The following SNAPC3 variants were observed in gnomAD, a reference collection of about 807,000 sequenced individuals.
SNAPC3 encodes snRNA-activating protein complex subunit 3.
SNAPC3 carries 56 observed loss-of-function variants against 47.7 expected under a neutral mutation model. That is an observed-to-expected ratio of 1.18 (90% CI 0.95 to 1.47). The LOEUF (loss-of-function observed/expected upper bound fraction) is 1.47, where lower values mean the gene tolerates loss of function less well. SNAPC3 is among the 40% of genes most tolerant of loss of function. The pLI, the probability that SNAPC3 is intolerant of heterozygous loss-of-function variation, is 0.00. For synonymous variants in SNAPC3, 235 were observed against 189.9 expected, an observed-to-expected ratio of 1.24 and a Z score of -1.95; for missense variants, 665 against 511.3, an observed-to-expected ratio of 1.30 and a Z score of -2.90.
At chr9:15,433,463 T>TA (rs2032417842) in intron 2 of SNAPC3, 89 bp from the exon 3 acceptor site, 2 of 841,514 alleles carry the variant, frequency 2.4e-6, no homozygotes, top group Middle Eastern at 3.3e-4. Flanking sequence ...TAGTTCAAAA[T>TA]AAAAAAACTT....
intron 7 of SNAPC3, among the ~76,000 whole-genome samples, chr9:15,457,708 C>CATT (rs1186096380): frequency 6.6e-6 from 1 of 152,132 alleles, no homozygotes; most frequent in Non-Finnish European, 1.5e-5. Flanking sequence ...TCACAGTGTA[C>CATT]ATTACCATAA....
chr9:15,457,895 A>C (rs57846241), intron 7 of SNAPC3, 65 bp from the exon 8 acceptor site: 9 of 871,344 alleles, frequency 1.0e-5, no homozygotes, highest in Non-Finnish European at 1.6e-5. Flanking sequence ...TATATTTAAT[A>C]GCTCATAAAA....
At chr9:15,435,590 G>A (rs530567533) in intron 3 of SNAPC3, among the ~76,000 whole-genome samples, 1 of 151,890 alleles carries the variant, frequency 6.6e-6, no homozygotes, top group South Asian at 2.1e-4. Context: ...AATTAGCCGG[G>A]CGTGGTGGCA....
downstream of SNAPC3, chr9:15,465,382 A>G: frequency 2.8e-6 from 2 of 712,536 alleles, no homozygotes; most frequent in South Asian, 3.7e-5. Context: ...TTACTTTAAA[A>G]CAAAGGGATT....
downstream of SNAPC3, chr9:15,461,977 G>A (rs1170761973): frequency 6.6e-6 from 1 of 152,116 alleles, no homozygotes; most frequent in Non-Finnish European, 1.5e-5. Flanking sequence ...ATAAATGAAT[G>A]ATTTACCCAA....
rs767747411 is a variant in SNAPC3 at position 15,451,328 on chromosome 9, C to T, written c.741C>T (p.Tyr247=). The T allele has an allele frequency of 3.5e-6, 5 of 1,438,238 alleles. No homozygotes were observed. In the South Asian group the frequency reaches 6.4e-5, roughly 18 times the overall value. 89.1% of individuals were successfully genotyped at this position (1,438,238 alleles called of 1,614,324 possible). A position where few individuals can be genotyped will look rare whatever the true frequency, so the allele number is the denominator to read the frequency against. The change falls in exon 6 of 9, where the codon TAC becomes TAT. Residue 247 remains tyrosine, a synonymous_variant. Coordinates refer to ENST00000380821, the MANE Select transcript of SNAPC3 (RefSeq NM_001039697.2). ...AATCTGTTTTCTTGTAGGACCTATA[C>T]AAATCAGCCTTCTTTTATTTTGAAG... The part of the protein sequence containing the change: ...QAPEHISKDL[Y]KSAFFYFEGT...
intron 2 of SNAPC3, among the ~76,000 whole-genome samples, chr9:15,426,630 A>G (rs2031436410): frequency 6.6e-6 from 1 of 152,216 alleles, no homozygotes; most frequent in Non-Finnish European, 1.5e-5. Flanking sequence ...ATATTAAAGC[A>G]GACTCTTTTT....
At chr9:15,446,128 G>A (rs2033911228) in intron 4 of SNAPC3, among the ~76,000 whole-genome samples, 1 of 152,208 alleles carries the variant, frequency 6.6e-6, no homozygotes, top group South Asian at 2.1e-4. Flanking sequence ...TAATGCTCAT[G>A]TCAGTTTGGT....
downstream of SNAPC3, chr9:15,466,695 TA>T (rs563230930): frequency 0.019 from 27,024 of 1,420,792 alleles, 317 homozygotes; most frequent in Non-Finnish European, 0.022. Context: ...GAACTGTGAT[TA>T]AAAACCTGAA....
chr9:15,425,850 C>T (rs1225742506), intron 2 of SNAPC3, among the ~76,000 whole-genome samples: 23 of 152,084 alleles, frequency 1.5e-4, no homozygotes, highest in Admixed American at 1.5e-3. Context: ...AAGGAGTGGA[C>T]CTTGCTGTTT....
Position 15,459,941 on chromosome 9 carries a change from C to T in SNAPC3, c.*75C>T, listed in dbSNP as rs1280377785. ...GGATGGTTACCTTATTTCTAAGAAA[C>T]GCCACTGAGGAACAGGATCCACTTT... is the stretch of plus-strand genomic sequence containing the variant. On this transcript the variant is annotated 3_prime_UTR_variant, in exon 9 of 9. Transcript: ENST00000380821. 1.1e-5 allele frequency: 15 copies of T among 1,359,036 alleles called. No homozygotes were observed. The highest frequency in any genetic ancestry group is 1.9e-4 in the Middle Eastern group (1 of 5,346). The allele number at this position is 1,359,036 out of a possible 1,614,324, so 84.2% of individuals were successfully genotyped here.
chr9:15,432,159 T>C (rs533241840), intron 2 of SNAPC3, among the ~76,000 whole-genome samples: 39 of 152,314 alleles, frequency 2.6e-4, no homozygotes, highest in Admixed American at 7.2e-4. Flanking sequence ...TTCTCACTTG[T>C]GGAGAAAGAC....
chr9:15,463,964 A>C (rs1050199151), downstream of SNAPC3: 13 of 165,236 alleles, frequency 7.9e-5, no homozygotes, highest in Non-Finnish European at 4.0e-5. Context: ...AAAACAGCAC[A>C]ACCTCTGTGA....
chr9:15,430,541 G>A (rs988471716), intron 2 of SNAPC3, among the ~76,000 whole-genome samples: 66 of 152,132 alleles, frequency 4.3e-4, no homozygotes, highest in African/African-American at 1.5e-3. Context: ...AAATTAATGA[G>A]GAAAATAATA....
rs925625755 is a variant in SNAPC3 at position 15,459,916 on chromosome 9, G to T, written c.*50G>T. On this transcript the variant is annotated 3_prime_UTR_variant, in exon 9 of 9. Transcript: ENST00000380821. ...CCCCTCATGAAATAACTGTTCTCTTGGATGGTTACCTTATTTCTAAGAAAC... is the reference window on the plus strand; with the variant it reads ...CCCCTCATGAAATAACTGTTCTCTTTGATGGTTACCTTATTTCTAAGAAAC... The T allele has an allele frequency of 1.3e-6, 2 of 1,528,706 alleles. No homozygotes were observed. Among genetic ancestry groups the T allele is most frequent in the African/African-American group, 2.8e-5 (2 of 72,642 alleles). 94.7% of individuals were successfully genotyped at this position (1,528,706 alleles called of 1,614,324 possible). A position where few individuals can be genotyped will look rare whatever the true frequency, so the allele number is the denominator to read the frequency against.
chr9:15,465,108 G>T (rs577289243), downstream of SNAPC3: 20 of 231,310 alleles, frequency 8.6e-5, no homozygotes, highest in South Asian at 2.1e-3. Context: ...TGAAAAGACA[G>T]TCTGGTAAAT....
At chr9:15,439,293 C>A (rs1021398600) in intron 3 of SNAPC3, among the ~76,000 whole-genome samples, 2 of 152,136 alleles carry the variant, frequency 1.3e-5, no homozygotes, top group East Asian at 1.9e-4. Context: ...TTTTAGAGTT[C>A]TGTTGGCTTT....
Position 15,423,108 on chromosome 9 carries a change from G to C in SNAPC3, c.229G>C (p.Ala77Pro). Residue 77 changes from alanine to proline, a missense_variant, in exon 1 of 9, where the codon GCT (alanine) becomes CCT (proline). Transcript: ENST00000380821. The part of the protein sequence containing the change: ...PASALPGSQA[A>P]DSDREDAAVA... The stretch of plus-strand genomic sequence containing the variant: ...ATCCGCTCTGCCTGGGAGCCAGGCA[G>C]CTGACTCCGACCGGGAGGATGCCGC... The C allele has an allele frequency of 1.3e-6, 2 of 1,551,584 alleles. No homozygotes were observed. The highest frequency in any genetic ancestry group is 1.7e-6 in the Non-Finnish European group (2 of 1,159,566).
intron 3 of SNAPC3, among the ~76,000 whole-genome samples, chr9:15,438,977 T>G (rs1399784490): frequency 3.9e-5 from 6 of 152,194 alleles, no homozygotes; most frequent in Admixed American, 3.9e-4. Context: ...TGTCTATTTC[T>G]TCAATTCTGT....
Sources: gnomAD v4.1 joint callset for allele counts (sites outside exome capture counted in the v4.1 genomes callset) on GRCh38, gnomAD v4.1.1 for gene constraint, MANE v1.5 for transcripts, NCBI Gene and HGNC (gene_info 2026-07-23, HGNC 2026-07-21) for gene names.